SLIT3: variants seen among roughly 807,000 people sequenced by gnomAD.
The protein encoded by SLIT3 is slit homolog 3 protein.
In SLIT3, 68 loss-of-function variants were observed where a neutral mutation model predicts 184.0. The ratio of observed to expected loss-of-function variants is 0.37; its 90% CI spans 0.30 to 0.45. The LOEUF is 0.45. SLIT3 is among the 20% of genes least tolerant of loss of function. The probability of loss-of-function intolerance (pLI) is 1.00; values close to 1 mark genes in which losing one functional copy is unlikely to be tolerated. For missense variants in SLIT3, 1,707 were observed against 2,026.0 expected (o/e 0.84, Z 3.02); for synonymous variants, 831 against 828.6 (o/e 1.00, Z -0.05).
At position 169,046,576 on chromosome 5, in the gene SLIT3, C is replaced by T. The variant is rs181694260; in HGVS notation, c.413+146903G>A. On this transcript the variant is annotated intron_variant, in intron 4 of 35. Coordinates refer to ENST00000519560, the MANE Select transcript of SLIT3 (RefSeq NM_003062.4). ...GGTAAACTGCACATTTAGGAAGGCA[C>T]GAAGAAAGCCATGCAAGGGTTGAGA... Among the ~76,000 whole-genome samples the T allele has an allele frequency of 2.3e-4, 35 of 152,268 alleles. 1 individual carries two copies. The highest frequency in any genetic ancestry group is 7.7e-4 in the African/African-American group (32 of 41,562).
chr5:168,997,200 C>T (rs1206552241), intron 4 of SLIT3, among the ~76,000 whole-genome samples: 2 of 152,138 alleles, frequency 1.3e-5, no homozygotes, highest in African/African-American at 4.8e-5. Context: ...AGCTGGTCTC[C>T]TGAGAGGTCA....
chr5:168,671,597 G>A (rs1761247535), intron 33 of SLIT3, 114 bp from the exon 34 acceptor site: 13 of 1,223,546 alleles, frequency 1.1e-5, no homozygotes, highest in Non-Finnish European at 1.5e-5. Context: ...GGCCTCTGCT[G>A]TTCAAACGAG....
At position 168,748,417 on chromosome 5, in the gene SLIT3, A is replaced by G. The variant is rs781141706; in HGVS notation, c.2155T>C (p.Cys719Arg). Reference protein sequence around the residue: ...FTCDGNEESSCQLSPRCPEQC... With the variant: ...FTCDGNEESSRQLSPRCPEQC... ...TCCGGGCAGCGCGGGCTCAGCTGGCAGCTACTCTCCTCGTTGCCTGTGGAG... is the reference window on the plus strand; with the variant it reads ...TCCGGGCAGCGCGGGCTCAGCTGGCGGCTACTCTCCTCGTTGCCTGTGGAG... Residue 719 changes from cysteine (C) to arginine (R), a missense_variant, in exon 20 of 36, where the codon TGC (cysteine) becomes CGC (arginine). Coordinates refer to ENST00000519560, the MANE Select transcript of SLIT3 (RefSeq NM_003062.4). The G allele has an allele frequency of 1.0e-5, 16 of 1,524,990 alleles. No individual in the cohort carries two copies. Among genetic ancestry groups the G allele is most frequent in the African/African-American group, 1.5e-5 (1 of 68,712 alleles). 94.5% of individuals were successfully genotyped at this position (1,524,990 alleles called of 1,614,324 possible).
intron 4 of SLIT3, among the ~76,000 whole-genome samples, chr5:168,916,209 G>A (rs1282395519): frequency 6.6e-6 from 1 of 152,202 alleles, no homozygotes; most frequent in African/African-American, 2.4e-5. Context: ...TGATCTCTAA[G>A]GCTCTTTTTA....
At chr5:168,706,575 T>A (rs1762377292) in intron 26 of SLIT3, 1 of 152,178 alleles carries the variant, frequency 6.6e-6, no homozygotes, top group South Asian at 2.1e-4. Flanking sequence ...CTCTTTTGAA[T>A]CATCAGTAAA....
chr5:168,818,570 C>A (rs568703373), intron 7 of SLIT3, among the ~76,000 whole-genome samples: 1 of 152,190 alleles, frequency 6.6e-6, no homozygotes, highest in Admixed American at 6.5e-5. Context: ...ACTTGCATTT[C>A]GGATGCACAT....
chr5:169,154,300 C>T (rs923881615), intron 4 of SLIT3, among the ~76,000 whole-genome samples: 2 of 152,272 alleles, frequency 1.3e-5, no homozygotes, highest in Admixed American at 6.5e-5. Flanking sequence ...AACATAGACT[C>T]TTAATGTTTC....
chr5:168,824,215 A>G (rs1757628721), intron 6 of SLIT3, among the ~76,000 whole-genome samples: 1 of 152,234 alleles, frequency 6.6e-6, no homozygotes, highest in Non-Finnish European at 1.5e-5. Context: ...CTGGGATTAC[A>G]GGTGTGAGCC....
In SLIT3 at chr5:168,772,838, G is replaced by A. The variant is rs200107445; in HGVS notation, c.1402C>T (p.Arg468Cys). 5.0e-6 allele frequency: 8 copies of A among 1,614,110 alleles called. No homozygotes were observed. The highest frequency in any genetic ancestry group is 1.6e-4 in the Middle Eastern group (1 of 6,062). Residue 468 changes from arginine (R) to cysteine (C), a missense_variant, in exon 14 of 36, where the codon CGC becomes TGC. Arg to Cys is a radical substitution (Grantham distance 180). Transcript: ENST00000519560. ...ETSGARCSSP[R>C]RLANKRISQI... ...CTGATGCGCTTGTTGGCGAGTCGGC[G>A]CGGGCTGCTGCAGCGGGCCCCGCTT...
chr5:168,823,445 T>C, intron 6 of SLIT3, 114 bp from the exon 7 acceptor site: 1 of 793,038 alleles, frequency 1.3e-6, no homozygotes, highest in South Asian at 1.4e-5. Flanking sequence ...GAGTCAACAG[T>C]CATGGCCCAG....
intron 4 of SLIT3, among the ~76,000 whole-genome samples, chr5:169,004,622 CT>C (rs1755846000): frequency 6.6e-6 from 1 of 152,096 alleles, no homozygotes; most frequent in African/African-American, 2.4e-5. Flanking sequence ...CAGGTAACCC[CT>C]CTGCTATGAA....
intron 4 of SLIT3, among the ~76,000 whole-genome samples, chr5:169,089,544 C>T (rs1042891905): frequency 3.9e-5 from 6 of 152,182 alleles, no homozygotes; most frequent in African/African-American, 1.4e-4. Context: ...TTTTCCCAAA[C>T]CCAAATCCCG....
chr5:168,801,244 G>A (rs983894204), intron 9 of SLIT3, among the ~76,000 whole-genome samples: 3 of 152,138 alleles, frequency 2.0e-5, no homozygotes, highest in African/African-American at 4.8e-5. Context: ...GAAAATCCAA[G>A]AGTCACTGAT....
At chr5:168,720,372 C>A (rs1762902938) in intron 23 of SLIT3, 1 of 90,610 alleles carries the variant, frequency 1.1e-5, no homozygotes, top group African/African-American at 2.8e-5. Flanking sequence ...ACCCCATCAC[C>A]CCCACCACCC....
intron 4 of SLIT3, among the ~76,000 whole-genome samples, chr5:169,179,284 T>C (rs1370358424): frequency 6.6e-6 from 1 of 150,634 alleles, no homozygotes; most frequent in Admixed American, 6.6e-5. Flanking sequence ...TTCTTTTTTT[T>C]TTTTTTTTTT....
At chr5:169,120,576 T>C (rs2053177415) in intron 4 of SLIT3, among the ~76,000 whole-genome samples, 1 of 152,200 alleles carries the variant, frequency 6.6e-6, no homozygotes, top group African/African-American at 2.4e-5. Flanking sequence ...GAAATCCATT[T>C]TGGACTTCAG....
At chr5:169,014,704 A>G (rs957482354) in intron 4 of SLIT3, among the ~76,000 whole-genome samples, 12 of 152,194 alleles carry the variant, frequency 7.9e-5, no homozygotes, top group African/African-American at 2.7e-4. Context: ...TAATCCCAGC[A>G]CTTTGGGAGG....
rs557584953 is a variant in SLIT3 at position 168,789,601 on chromosome 5, A to T, written c.1038T>A (p.Ile346=). ...TCAGGCCCTGGAAGGCATCTGGAGC[A>T]ATATCCGATATCTGATTCTTGCTGA... is the stretch of plus-strand genomic sequence containing the variant. ...IDISKNQISD[I]APDAFQGLKS... Residue 346 remains isoleucine, a synonymous_variant, in exon 11 of 36, where the codon ATT becomes ATA. Transcript: ENST00000519560. 6.2e-7 allele frequency: 1 copy of T among 1,613,834 alleles called. No homozygotes were observed.
rs1755198696 is a variant in SLIT3, at chr5:168,762,652, G to A, written c.1497C>T (p.Cys499=). Residue 499 remains cysteine (C), a synonymous_variant, in exon 15 of 36, where the codon TGC becomes TGT. Transcript: ENST00000519560. ...TCTCGGGGCACACGAGGTCCATGAAGCACTCGCTGCTGAACCTGCTGCGGT... is the reference window on the plus strand; with the variant it reads ...TCTCGGGGCACACGAGGTCCATGAAACACTCGCTGCTGAACCTGCTGCGGT... ...EDYRSRFSSE[C]FMDLVCPEKC... is the part of the protein sequence containing the mutation. The A allele has an allele frequency of 6.2e-7, 1 of 1,614,146 alleles. No homozygotes were observed. Among genetic ancestry groups the A allele is most frequent in the Non-Finnish European group, 8.5e-7 (1 of 1,180,026 alleles).
Sources: gnomAD v4.1 joint callset for allele counts (sites outside exome capture counted in the v4.1 genomes callset) on GRCh38, gnomAD v4.1.1 for gene constraint, MANE v1.5 for transcripts, NCBI Gene and HGNC (gene_info 2026-07-23, HGNC 2026-07-21) for gene names.